MFHAS1: variants seen among roughly 807,000 people sequenced by gnomAD.
The protein encoded by MFHAS1 is malignant fibrous histiocytoma-amplified sequence 1.
A neutral mutation model predicts 70.4 loss-of-function variants in MFHAS1; 50 were observed. The ratio of observed to expected loss-of-function variants is 0.71; its 90% CI spans 0.57 to 0.90. MFHAS1 has a LOEUF of 0.90. Among genes scored for constraint, MFHAS1 ranks in the 40% least tolerant of loss-of-function variants. The pLI, the probability that MFHAS1 is intolerant of heterozygous loss-of-function variation, is 0.00. For synonymous variants in MFHAS1, 952 were observed against 620.0 expected, an observed-to-expected ratio of 1.54 and a Z score of -7.96; for missense variants, 1,795 against 1,347.6, an observed-to-expected ratio of 1.33 and a Z score of -5.20.
At chr8:8,858,342 A>C (rs1389654892) in intron 1 of MFHAS1, among the ~76,000 whole-genome samples, 1 of 152,180 alleles carries the variant, frequency 6.6e-6, no homozygotes, top group African/African-American at 2.4e-5. Context: ...CCATGTCATC[A>C]AAATCTAAAT....
intron 1 of MFHAS1, among the ~76,000 whole-genome samples, chr8:8,857,485 G>A (rs1047162662): frequency 1.3e-5 from 2 of 152,080 alleles, no homozygotes; most frequent in Non-Finnish European, 2.9e-5. Context: ...CAGGCCCGGC[G>A]CGGTGTCTAA....
intron 1 of MFHAS1, among the ~76,000 whole-genome samples, chr8:8,887,275 TTC>T (rs1809796127): frequency 6.6e-6 from 1 of 152,348 alleles, no homozygotes; most frequent in South Asian, 2.1e-4. Flanking sequence ...CTCAACATAA[TTC>T]TGTTCCCACA....
intron 1 of MFHAS1, 131 bp from the exon 2 acceptor site, chr8:8,797,622 A>G: frequency 9.7e-7 from 1 of 1,029,718 alleles, no homozygotes; most frequent in South Asian, 1.7e-5. Flanking sequence ...GGATGTGAGA[A>G]CAAATGTGCA....
chr8:8,822,309 G>A (rs912633712), intron 1 of MFHAS1, among the ~76,000 whole-genome samples: 1 of 152,230 alleles, frequency 6.6e-6, no homozygotes, highest in African/African-American at 2.4e-5. Context: ...TGGTCTGAGG[G>A]GAGAGGAAAA....
intron 1 of MFHAS1, among the ~76,000 whole-genome samples, chr8:8,835,557 C>T (rs1404169601): frequency 6.6e-6 from 1 of 152,170 alleles, no homozygotes; most frequent in Non-Finnish European, 1.5e-5. Context: ...AAACTAAATT[C>T]CAAACTTGCT....
In MFHAS1 at chr8:8,785,948, T is replaced by C; in HGVS notation, c.*74A>G. ...AACACGCTGGGGTGAGTGCAGAGGG[T>C]CTGCCAGGTGCAAAAGATGGTCCAG... On this transcript the variant is annotated 3_prime_UTR_variant, in exon 3 of 3. Coordinates refer to ENST00000276282, the MANE Select transcript of MFHAS1 (RefSeq NM_004225.3). The C allele has an allele frequency of 7.1e-7, 1 of 1,413,658 alleles. No homozygotes were observed. The highest frequency in any genetic ancestry group is 9.8e-7 in the Non-Finnish European group (1 of 1,022,518). The allele number at this position is 1,413,658 out of a possible 1,614,324, so 87.6% of individuals were successfully genotyped here.
intron 1 of MFHAS1, among the ~76,000 whole-genome samples, chr8:8,819,780 C>T (rs894734744): frequency 6.6e-6 from 1 of 152,118 alleles, no homozygotes; most frequent in South Asian, 2.1e-4. Context: ...CTCATTGCAG[C>T]CTCAGCCTCC....
At chr8:8,807,154 T>TC (rs1366801179) in intron 1 of MFHAS1, among the ~76,000 whole-genome samples, 1 of 151,902 alleles carries the variant, frequency 6.6e-6, no homozygotes, top group Admixed American at 6.6e-5. Context: ...GTCTTGTGCC[T>TC]CCCCAAACCA....
intron 1 of MFHAS1, among the ~76,000 whole-genome samples, chr8:8,886,691 T>C (rs1267591638): frequency 6.6e-6 from 1 of 152,180 alleles, no homozygotes; most frequent in Non-Finnish European, 1.5e-5. Flanking sequence ...TACTGTAACA[T>C]CCCAAAGTTA....
In MFHAS1 at chr8:8,892,747, C is replaced by G. The variant is rs1479300692; in HGVS notation, c.312G>C (p.Pro104=). Residue 104 remains proline, a synonymous_variant, in exon 1 of 3, where the codon CCG becomes CCC. Transcript: ENST00000276282. The surrounding 1 kb of genome is among the most constrained non-coding windows in gnomAD (Gnocchi z 4.7). ...GGTGGTGGCCGAGCTCGGCCACCGC[C>G]GGGGGCAGCCGGGCGAAGCGGTTCC... ...LRRNRFARLP[P]AVAELGHHLT... is the part of the protein sequence containing the mutation. The G allele has an allele frequency of 1.3e-6, 2 of 1,573,680 alleles. No individual in the cohort carries two copies. The highest frequency in any genetic ancestry group is 1.7e-6 in the Non-Finnish European group (2 of 1,162,334).
At chr8:8,854,719 A>G (rs1422563425) in intron 1 of MFHAS1, among the ~76,000 whole-genome samples, 4 of 151,978 alleles carry the variant, frequency 2.6e-5, no homozygotes, top group Non-Finnish European at 5.9e-5. Context: ...AAAAATATGT[A>G]TTATGACTAA....
intron 1 of MFHAS1, among the ~76,000 whole-genome samples, chr8:8,836,376 ATTGTT>A (rs1203533320): frequency 6.6e-6 from 1 of 151,744 alleles, no homozygotes; most frequent in Admixed American, 6.6e-5. Context: ...TTTCTACTTT[ATTGTT>A]TTGTTTTGTT....
At chr8:8,797,909 CA>C (rs1242705609) in intron 1 of MFHAS1, among the ~76,000 whole-genome samples, 1 of 152,042 alleles carries the variant, frequency 6.6e-6, no homozygotes, top group Non-Finnish European at 1.5e-5. Flanking sequence ...TCAAGCAGAC[CA>C]CAGCAACCAT....
At chr8:8,845,312 T>C (rs1807991291) in intron 1 of MFHAS1, among the ~76,000 whole-genome samples, 2 of 152,258 alleles carry the variant, frequency 1.3e-5, no homozygotes, top group Admixed American at 6.5e-5. Context: ...TCATCATCAA[T>C]ACCAATATTG....
chr8:8,874,080 T>C (rs1809194619), intron 1 of MFHAS1, among the ~76,000 whole-genome samples: 1 of 152,202 alleles, frequency 6.6e-6, no homozygotes. Flanking sequence ...CGAGGCTTTT[T>C]TTAGGTCCCA....
chr8:8,802,949 A>G (rs1483253878), intron 1 of MFHAS1, among the ~76,000 whole-genome samples: 1 of 152,206 alleles, frequency 6.6e-6, no homozygotes, highest in Non-Finnish European at 1.5e-5. Context: ...TACCCAAGGT[A>G]TGCAGGCTAT....
chr8:8,843,612 G>A (rs1807922062), intron 1 of MFHAS1, among the ~76,000 whole-genome samples: 1 of 152,136 alleles, frequency 6.6e-6, no homozygotes, highest in Non-Finnish European at 1.5e-5. Context: ...TAAAAAGAAA[G>A]TGAGAGAGAA....
Position 8,891,247 on chromosome 8 carries a change from T to C in MFHAS1, c.1812A>G (p.Arg604=). 1 of 1,612,272 alleles carries C rather than the reference T, an allele frequency of 6.2e-7. No individual in the cohort carries two copies. The stretch of plus-strand genomic sequence containing the variant: ...GGTATTGAAAATGGGCCTTGCGCCG[T>C]CGAAGGTTCTTGTCCGAAACGCCAT... ...AYYGVSDKNL[R]RRKAHFQYLL... Residue 604 remains arginine, a synonymous_variant, in exon 1 of 3, where the codon CGA becomes CGG. Transcript: ENST00000276282. The surrounding 1 kb of genome is among the most constrained non-coding windows in gnomAD (Gnocchi z 5.4).
At chr8:8,828,736 C>G (rs1807256555) in intron 1 of MFHAS1, among the ~76,000 whole-genome samples, 1 of 152,252 alleles carries the variant, frequency 6.6e-6, no homozygotes, top group East Asian at 1.9e-4. Context: ...CCACCTTTAT[C>G]TGTGCAGTCC....
Sources: gnomAD v4.1 joint callset for allele counts (sites outside exome capture counted in the v4.1 genomes callset) on GRCh38, gnomAD v4.1.1 for gene constraint, Gnocchi (gnomAD v3.1) non-coding constraint, MANE v1.5 for transcripts, NCBI Gene and HGNC (gene_info 2026-07-23, HGNC 2026-07-21) for gene names.